Variants in WDR20 observed in about 807,000 individuals in gnomAD.
WDR20 encodes the protein WD repeat-containing protein 20.
WDR20 carries 3 observed loss-of-function variants against 38.7 expected under a neutral mutation model. The observed-to-expected ratio is 0.08, with a 90% CI of 0.04 to 0.20. The LOEUF (loss-of-function observed/expected upper bound fraction) is 0.20. Among genes scored for constraint, WDR20 ranks in the 10% least tolerant of loss-of-function variants. The pLI is 1.00. For synonymous variants in WDR20, 298 were observed against 285.6 expected, an observed-to-expected ratio of 1.04 and a Z score of -0.44; for missense variants, 559 against 727.7, an observed-to-expected ratio of 0.77 and a Z score of 2.67.
intron 1 of WDR20, among the ~76,000 whole-genome samples, chr14:102,164,601 G>A (rs975078116): frequency 1.3e-5 from 2 of 152,144 alleles, no homozygotes; most frequent in Non-Finnish European, 2.9e-5. Flanking sequence ...ATTGGACACC[G>A]CTTGGCCCAC....
intron 1 of WDR20, among the ~76,000 whole-genome samples, chr14:102,153,411 A>G (rs570665584): frequency 1.4e-5 from 2 of 145,776 alleles, no homozygotes; most frequent in South Asian, 2.1e-4. Context: ...GGTTCACGCC[A>G]TTCTCCTGCC....
chr14:102,224,750 G>GC (rs1262529376), downstream of WDR20: 1 of 455,978 alleles, frequency 2.2e-6, no homozygotes, highest in Non-Finnish European at 4.4e-6. Context: ...GAAGGCGCCA[G>GC]CAGGGACTCT....
intron 1 of WDR20, among the ~76,000 whole-genome samples, chr14:102,188,334 G>T (rs1418121705): frequency 6.6e-6 from 1 of 152,122 alleles, no homozygotes; most frequent in African/African-American, 2.4e-5. Flanking sequence ...CAAGCTTTTT[G>T]CCTTTGGTGG....
At chr14:102,162,133 C>T (rs748374270) in intron 1 of WDR20, among the ~76,000 whole-genome samples, 1 of 152,182 alleles carries the variant, frequency 6.6e-6, no homozygotes, top group Non-Finnish European at 1.5e-5. Context: ...ATGCAAACTA[C>T]ACTGAGGTCT....
chr14:102,208,384 G>T lies in WDR20; in HGVS notation c.433-219G>T, dbSNP rs1461724801. Among the ~76,000 whole-genome samples, 1 of 152,172 alleles carries T rather than the reference G, an allele frequency of 6.6e-6. No homozygotes were observed. The highest frequency in any genetic ancestry group is 1.5e-5 in the Non-Finnish European group (1 of 68,036). ...ATCTGTTGGCTGCCTGACTCCCTCC[G>T]TGAAAGCCAGCAGCCTAACACCGAT... On this transcript the variant is annotated intron_variant, in intron 2 of 2. Coordinates refer to ENST00000342702, the MANE Select transcript of WDR20 (RefSeq NM_144574.4). The surrounding 1 kb of genome is among the most constrained non-coding windows in gnomAD (Gnocchi z 5.6).
At chr14:102,152,694 C>T (rs2056341845) in intron 1 of WDR20, among the ~76,000 whole-genome samples, 1 of 152,030 alleles carries the variant, frequency 6.6e-6, no homozygotes, top group East Asian at 1.9e-4. Context: ...GGATTATAGG[C>T]GTGAGCCACC....
intron 1 of WDR20, among the ~76,000 whole-genome samples, chr14:102,178,186 G>A (rs1789647272): frequency 6.6e-6 from 1 of 152,078 alleles, no homozygotes; most frequent in Non-Finnish European, 1.5e-5. Flanking sequence ...GAGGTCAGGA[G>A]TTCGAGACTA....
At chr14:102,140,580 G>A (rs1196229613) in intron 1 of WDR20, among the ~76,000 whole-genome samples, 1 of 152,124 alleles carries the variant, frequency 6.6e-6, no homozygotes. Context: ...CTGGGTTAGA[G>A]AACAGGGACG....
intron 2 of WDR20, among the ~76,000 whole-genome samples, chr14:102,204,224 G>A (rs539048972): frequency 5.3e-5 from 8 of 152,214 alleles, no homozygotes; most frequent in South Asian, 2.1e-4. Flanking sequence ...TCTCCGCCTC[G>A]GAGTCCTTGA....
rs1198595552 is a variant in WDR20, at chr14:102,221,854, C to T, written c.1693-976C>T. Among the ~76,000 whole-genome samples, 1 of 152,166 alleles carries T rather than the reference C, an allele frequency of 6.6e-6. No homozygotes were observed. Among genetic ancestry groups the T allele is most frequent in the Non-Finnish European group, 1.5e-5 (1 of 68,026 alleles). On this transcript the variant is annotated intron_variant, in intron 3 of 3. Transcript: ENST00000335263. The surrounding 1 kb of genome is among the most constrained non-coding windows in gnomAD (Gnocchi z 4.8). ...TGTAAACAGTACTCATCAGCTGAAGCCTTCTTCCATGACAGCTAAGTTGTA... is the reference window on the plus strand; with the variant it reads ...TGTAAACAGTACTCATCAGCTGAAGTCTTCTTCCATGACAGCTAAGTTGTA...
intron 2 of WDR20, among the ~76,000 whole-genome samples, chr14:102,205,573 A>G (rs2152998166): frequency 6.6e-6 from 1 of 152,292 alleles, no homozygotes; most frequent in Admixed American, 6.5e-5. Context: ...AGCCTCTACC[A>G]GTGGCCAGCA....
chr14:102,189,277 GTTTA>G (rs1165188937), intron 1 of WDR20, among the ~76,000 whole-genome samples: 3 of 152,098 alleles, frequency 2.0e-5, no homozygotes, highest in African/African-American at 7.2e-5. Flanking sequence ...ATTTAAAAAT[GTTTA>G]CTTACTGATC....
chr14:102,211,039 C>G (rs1481148696), downstream of WDR20, among the ~76,000 whole-genome samples: 1 of 152,140 alleles, frequency 6.6e-6, no homozygotes, highest in African/African-American at 2.4e-5. The surrounding 1 kb of genome is among the most constrained non-coding windows in gnomAD (Gnocchi z 4.2). Flanking sequence ...GTGGCTTCCT[C>G]GGCAGTGGGA....
chr14:102,210,309 A>C lies in WDR20; in HGVS notation c.*429A>C. On this transcript the variant is annotated 3_prime_UTR_variant, in exon 3 of 3. Transcript: ENST00000342702. ...CAATGTGTGTTCAGCACAGATGGCC[A>C]TGAATTGTCATTTATAGTCCAATTT... The C allele has an allele frequency of 1.0e-6, 1 of 988,076 alleles. No homozygotes were observed. Among genetic ancestry groups the C allele is most frequent in the Non-Finnish European group, 1.2e-6 (1 of 831,524 alleles). 61.2% of individuals were successfully genotyped at this position (988,076 alleles called of 1,614,324 possible).
chr14:102,153,504 C>T (rs1566821393), intron 1 of WDR20, among the ~76,000 whole-genome samples: 1 of 151,954 alleles, frequency 6.6e-6, no homozygotes, highest in Non-Finnish European at 1.5e-5. Flanking sequence ...GATGGGGTTT[C>T]ACCATGTTAG....
intron 1 of WDR20, among the ~76,000 whole-genome samples, chr14:102,167,161 C>T (rs116217364): frequency 0.014 from 2,094 of 152,270 alleles, 55 homozygotes; most frequent in African/African-American, 0.048. Flanking sequence ...TTGCTGGCTT[C>T]CTTTTAATTC....
chr14:102,156,846 C>A (rs1469670025), intron 1 of WDR20, among the ~76,000 whole-genome samples: 2 of 151,948 alleles, frequency 1.3e-5, no homozygotes, highest in African/African-American at 2.4e-5. Flanking sequence ...CAAAAACTAG[C>A]TGGGCGTGGT....
At chr14:102,140,285 G>A (rs557394726) in intron 1 of WDR20, 113 bp downstream of exon 1, 19 of 1,488,944 alleles carry the variant, frequency 1.3e-5, no homozygotes, top group Admixed American at 6.2e-5. Context: ...TCTTACTTTT[G>A]AGTGGGCCGG....
chr14:102,212,873 A>T (rs2062733258), downstream of WDR20: 1 of 1,190,328 alleles, frequency 8.4e-7, no homozygotes, highest in Non-Finnish European at 1.1e-6. Flanking sequence ...TTTCTAACCT[A>T]ATCTGTGGAA....
Sources: gnomAD v4.1 joint callset for allele counts (sites outside exome capture counted in the v4.1 genomes callset) on GRCh38, gnomAD v4.1.1 for gene constraint, Gnocchi (gnomAD v3.1) non-coding constraint, MANE v1.5 for transcripts, NCBI Gene and HGNC (gene_info 2026-07-23, HGNC 2026-07-21) for gene names.